Variants in NBAS observed in about 807,000 individuals in gnomAD.
NBAS encodes the protein NAG/BC035112 fusion.
In NBAS, 219 loss-of-function variants were observed where a neutral mutation model predicts 302.5. The observed-to-expected ratio is 0.72, with a 90% confidence interval of 0.65 to 0.81. NBAS has a LOEUF of 0.81. NBAS is among the 30% of genes least tolerant of loss of function. The pLI is 0.00. For missense variants in NBAS, 2,932 were observed against 2,841.6 expected, an observed-to-expected ratio of 1.03 and a Z score of -0.72; for synonymous variants, 1,118 against 1,021.6, an observed-to-expected ratio of 1.09 and a Z score of -1.80.
At chr2:15,524,920 C>T (rs917719930) in intron 9 of NBAS, among the ~76,000 whole-genome samples, 8 of 152,102 alleles carry the variant, frequency 5.3e-5, no homozygotes, top group Non-Finnish European at 1.2e-4. Flanking sequence ...TTCTTGGACA[C>T]TCTTGCCTGT....
intron 51 of NBAS, among the ~76,000 whole-genome samples, chr2:15,167,786 G>A (rs1218206339): frequency 6.6e-6 from 1 of 152,148 alleles, no homozygotes; most frequent in Non-Finnish European, 1.5e-5. Flanking sequence ...TGTTTCATTT[G>A]TACTTTCACT....
At chr2:14,844,964 G>A in the NBAS span, among the ~76,000 whole-genome samples, 2 of 152,174 alleles carry the variant, frequency 1.3e-5, no homozygotes, top group Non-Finnish European at 2.9e-5. Flanking sequence ...AACCAAATGG[G>A]GTCCAGCAGA....
At chr2:15,069,115 A>T in the NBAS span, among the ~76,000 whole-genome samples, 2 of 152,186 alleles carry the variant, frequency 1.3e-5, no homozygotes, top group African/African-American at 2.4e-5. Context: ...CGACCTAATC[A>T]TCTCTCAAAT....
At chr2:15,500,781 G>A (rs1410815074) in intron 11 of NBAS, among the ~76,000 whole-genome samples, 6 of 151,476 alleles carry the variant, frequency 4.0e-5, no homozygotes, top group Non-Finnish European at 7.4e-5. Flanking sequence ...AAAATCAGCC[G>A]GGCGTGGGGG....
chr2:15,103,799 T>A, the NBAS span, among the ~76,000 whole-genome samples: 1 of 152,180 alleles, frequency 6.6e-6, no homozygotes, highest in African/African-American at 2.4e-5. Context: ...AGTGGAACTG[T>A]CACTTCCATG....
At chr2:15,287,996 G>A (rs187793623) in intron 41 of NBAS, among the ~76,000 whole-genome samples, 1,674 of 152,252 alleles carry the variant, frequency 0.011, 12 homozygotes, top group Admixed American at 0.016. Context: ...TGGGCATCCC[G>A]AGCACCCAGC....
chr2:15,232,320 G>T, intron 47 of NBAS, 102 bp downstream of exon 47: 1 of 1,075,524 alleles, frequency 9.3e-7, no homozygotes, highest in Non-Finnish European at 1.4e-6. Context: ...ACCTAAAAAT[G>T]TGGCTTAGTC....
rs1670084041 is a variant in NBAS at position 15,287,199 on chromosome 2, T to C, written c.5028-16A>G. On this transcript the variant is annotated splice_polypyrimidine_tract_variant and intron_variant, in intron 41 of 51. Transcript: ENST00000281513. ...CTCTAGAGTTCTGCAGAAATGTCCA[T>C]CAAGCCCAGGAAGGGAGAGAGGAGA... 4 of 1,597,286 alleles carry C rather than the reference T, an allele frequency of 2.5e-6. No homozygotes were observed. In the South Asian group the frequency reaches 3.3e-5, roughly 13 times the overall value.
intron 47 of NBAS, among the ~76,000 whole-genome samples, chr2:15,221,641 C>G (rs1369206223): frequency 6.6e-6 from 1 of 152,116 alleles, no homozygotes; most frequent in Admixed American, 6.5e-5. Flanking sequence ...TCAGAGAGGA[C>G]GTGGCATCTG....
At chr2:15,331,162 C>G (rs1054916924) in intron 35 of NBAS, among the ~76,000 whole-genome samples, 2 of 152,260 alleles carry the variant, frequency 1.3e-5, no homozygotes, top group Non-Finnish European at 1.5e-5. Context: ...AATTATTCAT[C>G]TGAATAATGC....
chr2:15,345,467 G>A (rs1285841076), intron 35 of NBAS, among the ~76,000 whole-genome samples: 1 of 152,048 alleles, frequency 6.6e-6, no homozygotes, highest in Non-Finnish European at 1.5e-5. Context: ...GACCTCTCAA[G>A]GAGAACTACA....
chr2:14,876,592 G>C, the NBAS span, among the ~76,000 whole-genome samples: 1 of 152,220 alleles, frequency 6.6e-6, no homozygotes, highest in African/African-American at 2.4e-5. Flanking sequence ...GTGTGGTATT[G>C]CAGTGTTATT....
intron 51 of NBAS, among the ~76,000 whole-genome samples, chr2:15,176,472 CACACACACAT>C (rs1007199918): frequency 1.3e-5 from 2 of 152,016 alleles, no homozygotes; most frequent in African/African-American, 4.8e-5. Context: ...CACACACACA[CACACACACAT>C]ACACTCAAGA....
chr2:15,193,561 T>C (rs1450955994), intron 48 of NBAS, among the ~76,000 whole-genome samples: 3 of 152,192 alleles, frequency 2.0e-5, no homozygotes, highest in Non-Finnish European at 4.4e-5. Context: ...ATGTTAATAT[T>C]ATCTTCTTTA....
chr2:15,273,621 G>T (rs1420142094), intron 44 of NBAS, among the ~76,000 whole-genome samples: 1 of 152,142 alleles, frequency 6.6e-6, no homozygotes, highest in African/African-American at 2.4e-5. Flanking sequence ...CTCCCTCACA[G>T]ATTACTCAGC....
the NBAS span, among the ~76,000 whole-genome samples, chr2:14,809,958 C>A: frequency 6.6e-6 from 1 of 152,228 alleles, no homozygotes; most frequent in Non-Finnish European, 1.5e-5. Context: ...GACTGCCCCG[C>A]TGTATTTTGG....
intron 28 of NBAS, among the ~76,000 whole-genome samples, chr2:15,390,941 C>T (rs954066893): frequency 4.6e-5 from 7 of 151,804 alleles, no homozygotes; most frequent in Non-Finnish European, 8.8e-5. Flanking sequence ...GGTGAAACCC[C>T]GTCTCTACTA....
chr2:15,317,021 T>G (rs1043043694), intron 38 of NBAS, among the ~76,000 whole-genome samples: 24 of 152,134 alleles, frequency 1.6e-4, no homozygotes, highest in African/African-American at 5.6e-4. Flanking sequence ...GGATGAAGCT[T>G]CTAGAGGAAG....
chr2:15,468,318 G>A, intron 17 of NBAS, 64 bp downstream of exon 17: 1 of 1,574,068 alleles, frequency 6.4e-7, no homozygotes, highest in Non-Finnish European at 8.7e-7. Flanking sequence ...CCAGTCCAAT[G>A]TCTCAGTACA....
Sources: gnomAD v4.1 joint callset for allele counts (sites outside exome capture counted in the v4.1 genomes callset) on GRCh38, gnomAD v4.1.1 for gene constraint, MANE v1.5 for transcripts, NCBI Gene and HGNC (gene_info 2026-07-23, HGNC 2026-07-21) for gene names.